Variants in COL4A2 observed in about 807,000 individuals in gnomAD.
COL4A2 encodes collagen type IV alpha 2 chain.
COL4A2 carries 99 observed loss-of-function variants against 200.2 expected under a neutral mutation model. The observed-to-expected ratio is 0.49, with a 90% CI of 0.42 to 0.58. The LOEUF (loss-of-function observed/expected upper bound fraction) is 0.58, where lower values mean the gene tolerates loss of function less well. Among genes scored for constraint, COL4A2 ranks in the 20% least tolerant of loss-of-function variants. The probability of loss-of-function intolerance (pLI) is 0.00; values close to 1 mark genes in which losing one functional copy is unlikely to be tolerated. For synonymous variants in COL4A2, 897 were observed against 900.6 expected, an observed-to-expected ratio of 1.00 and a Z score of 0.07; for missense variants, 1,950 against 2,314.1, an observed-to-expected ratio of 0.84 and a Z score of 3.23.
intron 38 of COL4A2, among the ~76,000 whole-genome samples, chr13:110,492,990 C>T (rs1883335073): frequency 6.6e-6 from 1 of 152,174 alleles, no homozygotes. Flanking sequence ...TTGAGGGTTT[C>T]TCCCACCCAG....
rs560787152 is a variant in COL4A2 at position 110,467,639 on chromosome 13, G to A, written c.2095+543G>A. Among the ~76,000 whole-genome samples, 7 of 152,340 alleles carry A rather than the reference G, an allele frequency of 4.6e-5. No individual in the cohort carries two copies. In the South Asian group the frequency reaches 6.2e-4, roughly 14 times the overall value. On this transcript the variant is annotated intron_variant, in intron 27 of 47. Coordinates refer to ENST00000360467, the MANE Select transcript of COL4A2 (RefSeq NM_001846.4). ...CTTCACAGAGCCCATGCCTAAGGCC[G>A]CCTGCGTGTCCAGTGTTGGCGGTGC...
At position 110,333,684 on chromosome 13, in the gene COL4A2, A is replaced by G. The variant is rs145500837; in HGVS notation, c.100-23788A>G. Among the ~76,000 whole-genome samples, 49 of 152,190 alleles carry G rather than the reference A, an allele frequency of 3.2e-4. No homozygotes were observed. In the East Asian group the frequency reaches 8.5e-3, roughly 26 times the overall value. On this transcript the variant is annotated intron_variant, in intron 3 of 47. Transcript: ENST00000360467. ...TGCTCCCACACCCCAATAATGTACA[A>G]CTTTTCATATCGGGACACAGCCACT...
At chr13:110,471,825 C>T (rs1201945114) in intron 28 of COL4A2, among the ~76,000 whole-genome samples, 1 of 152,248 alleles carries the variant, frequency 6.6e-6, no homozygotes, top group East Asian at 1.9e-4. Flanking sequence ...ATAGGAGTGC[C>T]GAGCCTGCCG....
chr13:110,433,743 T>G (rs1178159754), intron 11 of COL4A2, among the ~76,000 whole-genome samples: 1 of 152,202 alleles, frequency 6.6e-6, no homozygotes, highest in Non-Finnish European at 1.5e-5. Context: ...TGCACAAATT[T>G]GTCATCTTGC....
intron 29 of COL4A2, among the ~76,000 whole-genome samples, chr13:110,474,104 G>A (rs916055546): frequency 4.6e-5 from 7 of 151,728 alleles, no homozygotes; most frequent in Admixed American, 1.3e-4. Context: ...TCCAGCCTGC[G>A]TGACAGAGTG....
chr13:110,489,921 T>A (rs1883230874), intron 36 of COL4A2, 136 bp downstream of exon 36: 10 of 867,014 alleles, frequency 1.2e-5, no homozygotes, highest in African/African-American at 1.7e-5. Flanking sequence ...TCAAGTCCAA[T>A]GTGCAAGAAA....
At chr13:110,467,704 G>A (rs950710739) in intron 27 of COL4A2, among the ~76,000 whole-genome samples, 4 of 152,208 alleles carry the variant, frequency 2.6e-5, no homozygotes, top group Non-Finnish European at 4.4e-5. Context: ...CCTGCGCTGC[G>A]ATTCTGCTGC....
intron 3 of COL4A2, among the ~76,000 whole-genome samples, chr13:110,352,627 T>C (rs1170950833): frequency 1.3e-5 from 2 of 152,056 alleles, no homozygotes; most frequent in South Asian, 4.1e-4. Context: ...AGTTTGGAAT[T>C]GGGGATGTGA....
At chr13:110,351,727 G>T (rs1177818859) in intron 3 of COL4A2, among the ~76,000 whole-genome samples, 1 of 152,108 alleles carries the variant, frequency 6.6e-6, no homozygotes, top group Non-Finnish European at 1.5e-5. Context: ...AGTCCAATGG[G>T]GTCTGGCCTC....
chr13:110,465,554 A>G lies in COL4A2; in HGVS notation c.1926A>G (p.Gly642=). The G allele has an allele frequency of 6.2e-7, 1 of 1,613,930 alleles. No individual in the cohort carries two copies. Among genetic ancestry groups the G allele is most frequent in the Non-Finnish European group, 8.5e-7 (1 of 1,179,968 alleles). Reference sequence around the variant, plus strand: ...TCCCTGGAGACGCCGGCTTACCTGGACCACCAGGCTTCCTGGGCCCTCCTG... The same window carrying G: ...TCCCTGGAGACGCCGGCTTACCTGGGCCACCAGGCTTCCTGGGCCCTCCTG... ...RGFPGDAGLP[G]PPGFLGPPGP... is the part of the protein sequence containing the mutation. The change falls in exon 25 of 48, where the codon GGA becomes GGG. Residue 642 remains glycine (G), a synonymous_variant. Transcript: ENST00000360467.
intron 32 of COL4A2, among the ~76,000 whole-genome samples, chr13:110,483,183 A>G (rs1165090711): frequency 2.0e-5 from 3 of 152,304 alleles, no homozygotes; most frequent in East Asian, 3.9e-4. Flanking sequence ...CTAACAAGTC[A>G]CATTTTCATG....
intron 15 of COL4A2, 70 bp from the exon 16 acceptor site, chr13:110,439,719 G>A (rs1019073175): frequency 8.5e-5 from 136 of 1,608,688 alleles, no homozygotes; most frequent in Non-Finnish European, 9.8e-5. Flanking sequence ...GCCAGGTGCC[G>A]TAGTCAAGCC....
chr13:110,402,998 T>C (rs1437742334), intron 4 of COL4A2, among the ~76,000 whole-genome samples: 1 of 152,178 alleles, frequency 6.6e-6, no homozygotes. Context: ...CTGCATCCGA[T>C]TGCAGGGAGC....
At chr13:110,489,884 G>C in intron 36 of COL4A2, 99 bp downstream of exon 36, 1 of 1,288,754 alleles carries the variant, frequency 7.8e-7, no homozygotes, top group Non-Finnish European at 1.1e-6. Flanking sequence ...GTAACAACCA[G>C]AAAGCACTTG....
intron 3 of COL4A2, among the ~76,000 whole-genome samples, chr13:110,334,920 C>T (rs1426771581): frequency 6.6e-6 from 1 of 152,182 alleles, no homozygotes; most frequent in Non-Finnish European, 1.5e-5. Context: ...TCTGATTCAG[C>T]ACAGTCAGAT....
chr13:110,450,075 G>A (rs1323424948), intron 19 of COL4A2, among the ~76,000 whole-genome samples: 1 of 152,210 alleles, frequency 6.6e-6, no homozygotes, highest in East Asian at 1.9e-4. Context: ...ATCAGGTGTT[G>A]TTGCCCAGTG....
intron 4 of COL4A2, among the ~76,000 whole-genome samples, chr13:110,362,358 A>G (rs1373675970): frequency 1.3e-5 from 2 of 152,218 alleles, no homozygotes; most frequent in Admixed American, 6.5e-5. Context: ...GGCAATCATC[A>G]GCACCAAACA....
At chr13:110,477,890 G>T (rs886705228) in intron 29 of COL4A2, 113 bp from the exon 30 acceptor site, 3 of 1,098,122 alleles carry the variant, frequency 2.7e-6, no homozygotes, top group Non-Finnish European at 3.7e-6. Context: ...ATTCTCTAGA[G>T]TCCAGAAAAG....
chr13:110,418,021 G>A (rs1008246320), intron 4 of COL4A2, among the ~76,000 whole-genome samples: 8 of 152,082 alleles, frequency 5.3e-5, no homozygotes, highest in African/African-American at 1.7e-4. Flanking sequence ...CATGGAATTC[G>A]AGGTGCCATC....
Sources: allele counts gnomAD v4.1 joint callset (sites outside exome capture counted in the v4.1 genomes callset), GRCh38; gene constraint gnomAD v4.1.1; transcripts MANE v1.5; gene names NCBI Gene and HGNC (gene_info 2026-07-23, HGNC 2026-07-21).